The following CFAP54 variants were observed in gnomAD, a reference collection of about 807,000 sequenced individuals.
CFAP54 encodes the protein cilia- and flagella-associated protein 54.
Under a neutral mutation model 370.4 loss-of-function variants are expected in CFAP54, and 290 were observed. That is an observed-to-expected ratio of 0.78 (90% confidence interval 0.71 to 0.86). The LOEUF (loss-of-function observed/expected upper bound fraction) is 0.86. Ranked by LOEUF, CFAP54 falls within the 40% of genes least tolerant of loss-of-function variation. The pLI is 0.00. For missense variants in CFAP54, 3,399 were observed against 3,528.7 expected (o/e 0.96, Z 0.93); for synonymous variants, 1,206 against 1,236.5 (o/e 0.98, Z 0.52).
intron 66 of CFAP54, among the ~76,000 whole-genome samples, chr12:96,843,732 G>A (rs561800362): frequency 8.5e-5 from 13 of 152,196 alleles, no homozygotes; most frequent in Admixed American, 2.0e-4. Context: ...CCAGTTTGCC[G>A]GGCACAATCA....
At chr12:96,815,706 A>C (rs999083424) in intron 64 of CFAP54, among the ~76,000 whole-genome samples, 1 of 152,184 alleles carries the variant, frequency 6.6e-6, no homozygotes, top group African/African-American at 2.4e-5. Context: ...TTTTACATTT[A>C]AGTCTTTAAT....
At chr12:96,544,998 G>A (rs545050111) in intron 14 of CFAP54, among the ~76,000 whole-genome samples, 8 of 151,122 alleles carry the variant, frequency 5.3e-5, no homozygotes, top group South Asian at 4.2e-4. Context: ...TGCAGCCTCC[G>A]CCTCCTGGGT....
intron 55 of CFAP54, among the ~76,000 whole-genome samples, chr12:96,746,921 C>G (rs1485090370): frequency 6.6e-6 from 1 of 152,198 alleles, no homozygotes; most frequent in Non-Finnish European, 1.5e-5. Flanking sequence ...CTCAGTTAAG[C>G]ATCACTGCTT....
intron 63 of CFAP54, among the ~76,000 whole-genome samples, chr12:96,806,456 A>C (rs1023914498): frequency 6.6e-6 from 1 of 151,666 alleles, no homozygotes; most frequent in African/African-American, 2.4e-5. Context: ...GAATCCGGCC[A>C]GTCTACAAAT....
At position 96,535,430 on chromosome 12, in the gene CFAP54, A is replaced by G. The variant is rs1033489023; in HGVS notation, c.1706-85A>G. On this transcript the variant is annotated intron_variant, in intron 11 of 67. Coordinates refer to ENST00000524981, the MANE Select transcript of CFAP54 (RefSeq NM_001306084.2). ...CGCCTATCATTTGTGTCATTTTTTT[A>G]GCATATTTGTGTTTCTGTGCCTTTT... 244 of 738,176 alleles carry G rather than the reference A, an allele frequency of 3.3e-4. 1 individual carries two copies. The highest frequency in any genetic ancestry group is 1.5e-4 in the Non-Finnish European group (65 of 445,354). 45.7% of individuals were successfully genotyped at this position (738,176 alleles called of 1,614,324 possible). A position where few individuals can be genotyped will look rare whatever the true frequency, so the allele number is the denominator to read the frequency against.
chr12:96,821,679 C>T lies in CFAP54; in HGVS notation c.9096+3766C>T, dbSNP rs144487933. ...ATTACATATAAATTTTTCTATTTTC[C>T]ACAATACTAATGAGCACTTTATTAA... On this transcript the variant is annotated intron_variant, in intron 65 of 67. Transcript: ENST00000524981. Among the ~76,000 whole-genome samples the T allele has an allele frequency of 3.6e-3, 526 of 144,164 alleles. 4 individuals carry two copies. Among genetic ancestry groups the T allele is most frequent in the African/African-American group, 0.013 (496 of 38,832 alleles). The allele number at this position is 144,164 out of a possible 152,430, so 94.6% of individuals were successfully genotyped here.
chr12:96,568,615 C>T (rs189651709), intron 19 of CFAP54, among the ~76,000 whole-genome samples: 7 of 152,132 alleles, frequency 4.6e-5, no homozygotes, highest in African/African-American at 7.2e-5. Context: ...AACTGGGGTA[C>T]GTAACAGAAT....
chr12:96,792,930 C>T (rs985648390), intron 63 of CFAP54, among the ~76,000 whole-genome samples: 3 of 151,888 alleles, frequency 2.0e-5, no homozygotes, highest in Non-Finnish European at 4.4e-5. Context: ...CTGAGATAAA[C>T]TCAAATTGGT....
At chr12:96,812,457 G>GT (rs1275153280) in intron 64 of CFAP54, among the ~76,000 whole-genome samples, 1 of 151,990 alleles carries the variant, frequency 6.6e-6, no homozygotes, top group African/African-American at 2.4e-5. Flanking sequence ...CCCTGTTGTT[G>GT]TTTTTTCATT....
intron 66 of CFAP54, among the ~76,000 whole-genome samples, chr12:96,829,631 C>A (rs998973822): frequency 1.3e-5 from 2 of 151,978 alleles, no homozygotes; most frequent in South Asian, 2.1e-4. Context: ...ATATTTCATT[C>A]TTCTGTATTA....
chr12:96,652,276 T>A (rs986496240), intron 36 of CFAP54, among the ~76,000 whole-genome samples: 10 of 152,200 alleles, frequency 6.6e-5, no homozygotes, highest in African/African-American at 2.4e-4. Context: ...AAAATTGAAG[T>A]AATATAAATA....
chr12:96,664,569 T>C (rs1448433289), intron 39 of CFAP54, among the ~76,000 whole-genome samples: 1 of 151,424 alleles, frequency 6.6e-6, no homozygotes, highest in African/African-American at 2.4e-5. Context: ...TCTTTGCTAA[T>C]TGCTCTACAT....
Position 96,742,568 on chromosome 12 carries a change from G to A in CFAP54, c.7201G>A (p.Gly2401Ser), listed in dbSNP as rs1315240741. Reference protein sequence around the residue: ...LVTAFVAQIHGIGIVKEDDMT... With the variant: ...LVTAFVAQIHSIGIVKEDDMT... ...GACTGCATTTGTTGCACAGATTCAT[G>A]GCATTGGAATTGTGAAAGGTACAAA... The change falls in exon 52 of 68, where the codon GGC becomes AGC. Residue 2401 changes from glycine (G) to serine (S), a missense_variant. Gly to Ser is a moderately conservative substitution (Grantham distance 56, BLOSUM62 0). Transcript: ENST00000524981. 7 of 1,612,458 alleles carry A rather than the reference G, an allele frequency of 4.3e-6. No individual in the cohort carries two copies. In the East Asian group the frequency reaches 1.6e-4, roughly 36 times the overall value.
In CFAP54 at chr12:96,684,667, T is replaced by C; in HGVS notation, c.5736T>C (p.Asn1912=). Residue 1912 remains asparagine, a synonymous_variant, in exon 41 of 68, where the codon AAT becomes AAC. Coordinates refer to ENST00000524981, the MANE Select transcript of CFAP54 (RefSeq NM_001306084.2). ...AQTQDVLQAS[N]QRSLKVQALH... is the part of the protein sequence containing the mutation. ...ATATAGATGTTCTCCAAGCCAGCAA[T>C]CAAAGAAGTCTTAAAGTTCAGGCGT... 6.2e-7 allele frequency: 1 copy of C among 1,612,162 alleles called. No homozygotes were observed. The highest frequency in any genetic ancestry group is 8.5e-7 in the Non-Finnish European group (1 of 1,179,254).
intron 4 of CFAP54, among the ~76,000 whole-genome samples, chr12:96,511,123 A>G (rs1049947736): frequency 6.6e-6 from 1 of 152,182 alleles, no homozygotes; most frequent in African/African-American, 2.4e-5. Context: ...GGGTAGTCAC[A>G]TGAATAATGC....
chr12:96,634,046 CTTT>C lies in CFAP54; in HGVS notation c.4316+3420_4316+3422del, dbSNP rs71437232. 8.1e-3 allele frequency among the ~76,000 whole-genome samples: 458 copies of C among 56,688 alleles called. 2 individuals are homozygous for C. Among genetic ancestry groups the C allele is most frequent in the East Asian group, 0.063 (120 of 1,912 alleles). The allele number at this position is 56,688 out of a possible 152,430, so 37.2% of individuals were successfully genotyped here. A position where few individuals can be genotyped will look rare whatever the true frequency, so the allele number is the denominator to read the frequency against. On this transcript the variant is annotated intron_variant, in intron 32 of 67. Transcript: ENST00000524981. ...TCTAATGGCTAATGATAGCGAACAT[CTTT>C]TTTTTTTTTTTTTTTTTTTTTTTTG... is the stretch of plus-strand genomic sequence containing the variant.
chr12:96,698,357 C>A (rs904519707), intron 45 of CFAP54, among the ~76,000 whole-genome samples: 2 of 151,958 alleles, frequency 1.3e-5, no homozygotes, highest in Admixed American at 1.3e-4. Context: ...TTAACAGTGG[C>A]CATTAATTAT....
chr12:96,638,925 A>G (rs896407802), intron 32 of CFAP54, among the ~76,000 whole-genome samples: 2 of 152,046 alleles, frequency 1.3e-5, no homozygotes, highest in Non-Finnish European at 2.9e-5. Context: ...TTGTGTCTCT[A>G]TTTCCTTCAG....
Position 96,870,263 on chromosome 12 carries a change from G to GA in CFAP54, c.*15-4843dup, listed in dbSNP as rs1229995042. On this transcript the variant is annotated intron_variant, in intron 67 of 67. Coordinates refer to ENST00000524981, the MANE Select transcript of CFAP54 (RefSeq NM_001306084.2). ...CGACAGAGTGAGACTCCATCTCAAA[G>GA]AAAAAAAAAAAAGAAAACAGATTAT... 4.7e-3 allele frequency among the ~76,000 whole-genome samples: 608 copies of GA among 129,766 alleles called. 6 individuals are homozygous for GA. Among genetic ancestry groups the GA allele is most frequent in the African/African-American group, 0.014 (496 of 35,434 alleles). The allele number at this position is 129,766 out of a possible 152,430, so 85.1% of individuals were successfully genotyped here.
Sources: allele counts gnomAD v4.1 joint callset (sites outside exome capture counted in the v4.1 genomes callset), GRCh38; gene constraint gnomAD v4.1.1; transcripts MANE v1.5; gene names NCBI Gene and HGNC (gene_info 2026-07-23, HGNC 2026-07-21).